Variants in COL21A1 observed in about 807,000 individuals in gnomAD.
The protein encoded by COL21A1 is collagen alpha-1(XXI) chain.
Under a neutral mutation model 137.9 loss-of-function variants are expected in COL21A1, and 149 were observed. That is an observed-to-expected ratio of 1.08 (90% CI 0.95 to 1.24). The LOEUF (loss-of-function observed/expected upper bound fraction) is 1.24, where lower values mean the gene tolerates loss of function less well. COL21A1 is among the 50% of genes most tolerant of loss of function. The pLI is 0.00. For missense variants in COL21A1, 1,167 were observed against 1,158.4 expected (o/e 1.01, Z -0.11); for synonymous variants, 456 against 391.5 (o/e 1.16, Z -1.95).
intron 1 of COL21A1, among the ~76,000 whole-genome samples, chr6:56,230,147 TG>T (rs563369947): frequency 2.1e-3 from 315 of 152,050 alleles, no homozygotes; most frequent in African/African-American, 7.1e-3. Flanking sequence ...TAAAAAAAAT[TG>T]AAAGTCATTT....
chr6:56,353,272 C>G (rs1331710200), intron 1 of COL21A1, among the ~76,000 whole-genome samples: 1 of 152,072 alleles, frequency 6.6e-6, no homozygotes, highest in Non-Finnish European at 1.5e-5. Context: ...AGCTTCTGTC[C>G]ACCTTAAGAC....
intron 1 of COL21A1, among the ~76,000 whole-genome samples, chr6:56,339,119 T>C (rs898703380): frequency 2.0e-5 from 3 of 152,130 alleles, no homozygotes; most frequent in Non-Finnish European, 4.4e-5. Context: ...GCTGCATCAC[T>C]TCCCCCCAGG....
chr6:56,366,785 A>G (rs1366780642), intron 1 of COL21A1, among the ~76,000 whole-genome samples: 1 of 152,242 alleles, frequency 6.6e-6, no homozygotes, highest in East Asian at 1.9e-4. Context: ...GTTTCACAGC[A>G]AGAAAAACAG....
At chr6:56,372,307 G>A (rs932037459) in intron 1 of COL21A1, among the ~76,000 whole-genome samples, 3 of 152,162 alleles carry the variant, frequency 2.0e-5, no homozygotes, top group Non-Finnish European at 4.4e-5. Context: ...GGAGACAGGA[G>A]CAAAATTAGA....
At chr6:56,096,387 T>C (rs1255288258) in intron 17 of COL21A1, among the ~76,000 whole-genome samples, 1 of 152,190 alleles carries the variant, frequency 6.6e-6, no homozygotes, top group Non-Finnish European at 1.5e-5. Flanking sequence ...TAAATACTGC[T>C]GAATAATTGA....
At chr6:56,140,522 G>A (rs975553512) in intron 12 of COL21A1, among the ~76,000 whole-genome samples, 2 of 152,150 alleles carry the variant, frequency 1.3e-5, no homozygotes, top group Middle Eastern at 3.2e-3. Flanking sequence ...AAAGGCGACT[G>A]CGTGATACCT....
chr6:56,183,081 G>A (rs1778021029), intron 1 of COL21A1, among the ~76,000 whole-genome samples: 1 of 152,072 alleles, frequency 6.6e-6, no homozygotes, highest in Non-Finnish European at 1.5e-5. Flanking sequence ...TACAGCTGAT[G>A]GAATTTAATT....
intron 16 of COL21A1, among the ~76,000 whole-genome samples, chr6:56,113,299 T>C (rs753780181): frequency 2.6e-5 from 4 of 152,160 alleles, no homozygotes; most frequent in Admixed American, 6.5e-5. Flanking sequence ...CTTCCTTCTA[T>C]AATCCTTGAG....
At chr6:56,373,928 A>C (rs2093994601) in intron 1 of COL21A1, among the ~76,000 whole-genome samples, 2 of 152,232 alleles carry the variant, frequency 1.3e-5, no homozygotes, top group Admixed American at 1.3e-4. Flanking sequence ...TTTCTGCTTA[A>C]ATCATCCAGA....
At chr6:56,227,895 T>G (rs575700229) in intron 1 of COL21A1, among the ~76,000 whole-genome samples, 13 of 152,134 alleles carry the variant, frequency 8.5e-5, no homozygotes, top group Non-Finnish European at 1.9e-4. Context: ...GGGTACATTC[T>G]CTGAGAGGAA....
intron 1 of COL21A1, among the ~76,000 whole-genome samples, chr6:56,300,549 C>A (rs1282765890): frequency 6.6e-6 from 1 of 152,004 alleles, no homozygotes. Flanking sequence ...CTTCTTTCAT[C>A]AAATAATGTT....
At chr6:56,216,687 C>A (rs1227643497) in intron 1 of COL21A1, among the ~76,000 whole-genome samples, 1 of 152,020 alleles carries the variant, frequency 6.6e-6, no homozygotes, top group African/African-American at 2.4e-5. Flanking sequence ...CAGTTCAATT[C>A]TTTTCTCTAA....
rs111770684 is a variant in COL21A1 at position 56,289,114 on chromosome 6, C to A, written c.-39+104857G>T. Reference sequence around the variant, plus strand: ...TAGGTAAAGTGTGCCTAACAAAGCTCCTGACACAGTGCAGGCCCACTTGGT... The same window carrying A: ...TAGGTAAAGTGTGCCTAACAAAGCTACTGACACAGTGCAGGCCCACTTGGT... On this transcript the variant is annotated intron_variant, in intron 1 of 28. Transcript: ENST00000370819. 1.8e-3 allele frequency among the ~76,000 whole-genome samples: 272 copies of A among 152,310 alleles called. 1 individual carries two copies. Among genetic ancestry groups the A allele is most frequent in the Non-Finnish European group, 2.4e-3 (162 of 68,032 alleles).
Position 56,105,097 on chromosome 6 carries a change from G to C in COL21A1, c.1759-3572C>G, listed in dbSNP as rs542372924. On this transcript the variant is annotated intron_variant, in intron 16 of 29. Transcript: ENST00000244728. Reference sequence around the variant, plus strand: ...TGTAAGACTGAGGAAGCTTCTCCTAGCTGACCAAGTAAACAGACAGGACAT... The same window carrying C: ...TGTAAGACTGAGGAAGCTTCTCCTACCTGACCAAGTAAACAGACAGGACAT... Among the ~76,000 whole-genome samples, 337 of 152,256 alleles carry C rather than the reference G, an allele frequency of 2.2e-3. 3 individuals are homozygous for C. The highest frequency in any genetic ancestry group is 4.0e-4 in the Non-Finnish European group (27 of 68,006).
intron 9 of COL21A1, among the ~76,000 whole-genome samples, chr6:56,162,010 C>A (rs1256015790): frequency 6.6e-6 from 1 of 152,182 alleles, no homozygotes; most frequent in Non-Finnish European, 1.5e-5. Context: ...CTTCTGCAAA[C>A]CTTTCCAGAA....
At chr6:56,065,087 A>G (rs1365415724) in intron 23 of COL21A1, among the ~76,000 whole-genome samples, 1 of 152,114 alleles carries the variant, frequency 6.6e-6, no homozygotes, top group Non-Finnish European at 1.5e-5. Context: ...CATTTAAATG[A>G]AGAGCTTTAA....
chr6:56,163,337 C>G (rs1776324213), intron 9 of COL21A1, among the ~76,000 whole-genome samples: 1 of 152,162 alleles, frequency 6.6e-6, no homozygotes, highest in African/African-American at 2.4e-5. Context: ...ATTTATATAT[C>G]ATGGACAAAC....
At chr6:56,134,193 A>C (rs530867215) in intron 12 of COL21A1, among the ~76,000 whole-genome samples, 1 of 152,322 alleles carries the variant, frequency 6.6e-6, no homozygotes, top group South Asian at 2.1e-4. Flanking sequence ...ACAGAAGCAG[A>C]GCTGCCCAAG....
At chr6:56,216,916 T>A (rs1017850806) in intron 1 of COL21A1, among the ~76,000 whole-genome samples, 11 of 152,088 alleles carry the variant, frequency 7.2e-5, no homozygotes, top group African/African-American at 2.7e-4. Context: ...AACATGAGAA[T>A]ATATATTTAG....
Sources: gnomAD v4.1 joint callset for allele counts (sites outside exome capture counted in the v4.1 genomes callset) on GRCh38, gnomAD v4.1.1 for gene constraint, MANE v1.5 for transcripts, NCBI Gene and HGNC (gene_info 2026-07-23, HGNC 2026-07-21) for gene names.